The following PCDHGA1 variants were observed in gnomAD, a reference collection of about 807,000 sequenced individuals.
PCDHGA1 encodes protocadherin gamma subfamily A, 1.
Under a neutral mutation model 58.0 loss-of-function variants are expected in PCDHGA1, and 32 were observed. The observed-to-expected ratio is 0.55, with a 90% CI of 0.42 to 0.74. The LOEUF (loss-of-function observed/expected upper bound fraction) is 0.74, where lower values mean the gene tolerates loss of function less well. Among genes scored for constraint, PCDHGA1 ranks in the 30% least tolerant of loss-of-function variants. PCDHGA1 has a pLI of 0.00. For missense variants in PCDHGA1, 1,205 were observed against 1,182.3 expected (o/e 1.02, Z -0.28); for synonymous variants, 498 against 501.1 (o/e 0.99, Z 0.08).
rs761853399 is a variant in PCDHGA1, at chr5:141,389,296, A to G, written c.2421+56191A>G. On this transcript the variant is annotated intron_variant, in intron 1 of 3. Transcript: ENST00000517417. ...AACCCGCCTGGAGCCTCTATTTCAC[A>G]AGTCAGGGCTTCTGATCCGGACTTG... is the stretch of plus-strand genomic sequence containing the variant. The G allele has an allele frequency of 3.7e-6, 6 of 1,613,988 alleles. No individual in the cohort carries two copies. The South Asian group carries it at 6.6e-5, about 18-fold the overall frequency.
chr5:141,356,492 C>G, intron 1 of PCDHGA1: 4 of 1,613,984 alleles, frequency 2.5e-6, no homozygotes, highest in Non-Finnish European at 3.4e-6. Flanking sequence ...GGAACTCCTC[C>G]ACTGTCTACA....
rs532725430 is a variant in PCDHGA1, at chr5:141,429,107, G to A, written c.2422-65700G>A. On this transcript the variant is annotated intron_variant, in intron 1 of 3. Transcript: ENST00000517417. ...CTGACCTCGTGATCTGCCCGCCTCG[G>A]CCTCCCAAAGTGCTGGGATTATAGG... The A allele has an allele frequency of 3.8e-3, 579 of 152,026 alleles. 5 individuals are homozygous for A. Among genetic ancestry groups the A allele is most frequent in the Admixed American group, 0.011 (166 of 15,232 alleles). The allele number at this position is 152,026 out of a possible 1,614,324, so 9.4% of individuals were successfully genotyped here. A position where few individuals can be genotyped will look rare whatever the true frequency, so the allele number is the denominator to read the frequency against.
chr5:141,359,142 A>T (rs903512422), intron 1 of PCDHGA1, among the ~76,000 whole-genome samples: 1 of 152,224 alleles, frequency 6.6e-6, no homozygotes, highest in Non-Finnish European at 1.5e-5. Context: ...AGTAAGCTGG[A>T]ATATGATATG....
chr5:141,492,894 G>A (rs2099744893), intron 1 of PCDHGA1, among the ~76,000 whole-genome samples: 1 of 152,202 alleles, frequency 6.6e-6, no homozygotes, highest in Admixed American at 6.5e-5. Flanking sequence ...GGCTTTTGGC[G>A]CCGTCGTGAT....
At chr5:141,354,253 T>G (rs929427667) in intron 1 of PCDHGA1, among the ~76,000 whole-genome samples, 2 of 152,350 alleles carry the variant, frequency 1.3e-5, no homozygotes, top group East Asian at 1.9e-4. Context: ...ATTTACCCAT[T>G]GTTTTAGGCT....
chr5:141,498,971 G>GGGAA (rs201769957), intron 2 of PCDHGA1, among the ~76,000 whole-genome samples: 8,226 of 110,874 alleles, frequency 0.074, 335 homozygotes, highest in Middle Eastern at 0.11. Flanking sequence ...GAGGGAGGGA[G>GGGAA]GGAAGGAAGG....
chr5:141,355,133 ATCCTG>A, intron 1 of PCDHGA1: 1 of 1,521,784 alleles, frequency 6.6e-7, no homozygotes, highest in East Asian at 2.3e-5. Context: ...GACCCAGAAG[ATCCTG>A]GGGCTCCTCA....
rs139832920 is a variant in PCDHGA1, at chr5:141,432,866, G to T, written c.2422-61941G>T. On this transcript the variant is annotated intron_variant, in intron 1 of 3. Coordinates refer to ENST00000517417, the MANE Select transcript of PCDHGA1 (RefSeq NM_018912.3). This position sits in a 1 kb window ranked among gnomAD's most constrained non-coding sequence, Gnocchi z 6.0. ...GGTAGCGGTGGCCGCGGTCTCCTGC[G>T]TCTTCCTGGCCTTCGTCATCTTGCT... The T allele has an allele frequency of 1.9e-6, 3 of 1,614,034 alleles. No individual in the cohort carries two copies. The African/African-American group carries it at 4.0e-5, about 22-fold the overall frequency.
chr5:141,431,833 AAACTCT>A lies in PCDHGA1; in HGVS notation c.2422-62973_2422-62968del. The A allele has an allele frequency of 1.2e-6, 2 of 1,614,278 alleles. No homozygotes were observed. Among genetic ancestry groups the A allele is most frequent in the Non-Finnish European group, 1.7e-6 (2 of 1,180,044 alleles). ...CCTCTCTCGCCAGCTCGGTTCCCGA[AAACTCT>A]CCCAGAGGGACATTAATTGCCCTTT... is the stretch of plus-strand genomic sequence containing the variant. On this transcript the variant is annotated intron_variant, in intron 1 of 3. Transcript: ENST00000517417. This position sits in a 1 kb window ranked among gnomAD's most constrained non-coding sequence, Gnocchi z 4.8.
At chr5:141,393,246 A>G (rs1434145740) in intron 1 of PCDHGA1, 2 of 1,613,694 alleles carry the variant, frequency 1.2e-6, no homozygotes, top group Non-Finnish European at 1.7e-6. Flanking sequence ...AATTAACGAA[A>G]TCGCGGTTCC....
At chr5:141,419,863 G>C in intron 1 of PCDHGA1, 1 of 1,614,108 alleles carries the variant, frequency 6.2e-7, no homozygotes, top group Non-Finnish European at 8.5e-7. Flanking sequence ...CAGATAGCTT[G>C]CAAGAGGTAC....
intron 1 of PCDHGA1, among the ~76,000 whole-genome samples, chr5:141,456,887 C>T (rs112521083): frequency 0.042 from 6,384 of 152,090 alleles, 167 homozygotes; most frequent in Middle Eastern, 0.088. Flanking sequence ...CGCTTGAACC[C>T]GGGAGGCAGA....
chr5:141,340,333 C>G (rs536416532), intron 1 of PCDHGA1: 9 of 1,614,090 alleles, frequency 5.6e-6, no homozygotes, highest in Non-Finnish European at 7.6e-6. Context: ...CCTTCTCCCG[C>G]ACATCCTACT....
chr5:141,396,570 C>T (rs996384369), intron 1 of PCDHGA1: 5 of 150,662 alleles, frequency 3.3e-5, no homozygotes, highest in African/African-American at 1.2e-4. Flanking sequence ...CAGTGAGCCT[C>T]GATCCTGTCA....
chr5:141,486,816 C>G lies in PCDHGA1; in HGVS notation c.2422-7991C>G. The G allele has an allele frequency of 6.2e-7, 1 of 1,614,252 alleles. No individual in the cohort carries two copies. Among genetic ancestry groups the G allele is most frequent in the East Asian group, 2.2e-5 (1 of 44,884 alleles). ...CGGGGCAACCCACCCCTTAGCAGCACTGTAACAGTTCGTCTATTTGTGCTG... is the reference window on the plus strand; with the variant it reads ...CGGGGCAACCCACCCCTTAGCAGCAGTGTAACAGTTCGTCTATTTGTGCTG... On this transcript the variant is annotated intron_variant, in intron 1 of 3. Coordinates refer to ENST00000517417, the MANE Select transcript of PCDHGA1 (RefSeq NM_018912.3). The surrounding 1 kb of genome is among the most constrained non-coding windows in gnomAD (Gnocchi z 5.0).
chr5:141,394,397 G>A, intron 1 of PCDHGA1: 1 of 1,614,212 alleles, frequency 6.2e-7, no homozygotes, highest in Non-Finnish European at 8.5e-7. Flanking sequence ...TCCGAGACCT[G>A]CAGCTACTGG....
intron 1 of PCDHGA1, chr5:141,344,385 G>C (rs1299543517): frequency 6.2e-7 from 1 of 1,612,550 alleles, no homozygotes; most frequent in Admixed American, 1.7e-5. Context: ...GAAAATTTTT[G>C]AAGTAGAAAT....
chr5:141,418,985 T>C, intron 1 of PCDHGA1: 1 of 1,613,882 alleles, frequency 6.2e-7, no homozygotes, highest in Non-Finnish European at 8.5e-7. Context: ...GGACCAAGAC[T>C]CAGGGGAAAA....
Position 141,345,352 on chromosome 5 carries a change from T to C in PCDHGA1, c.2421+12247T>C. 2.5e-6 allele frequency: 4 copies of C among 1,613,994 alleles called. No homozygotes were observed. In the South Asian group the frequency reaches 4.4e-5, roughly 18 times the overall value. On this transcript the variant is annotated intron_variant, in intron 1 of 3. Transcript: ENST00000517417. ...CTGTCCACAGAAACTCACATCACCC[T>C]GCATGTGATTGACATCAATGACAAC...
Sources: gnomAD v4.1 joint callset for allele counts (sites outside exome capture counted in the v4.1 genomes callset) on GRCh38, gnomAD v4.1.1 for gene constraint, Gnocchi (gnomAD v3.1) non-coding constraint, MANE v1.5 for transcripts, NCBI Gene and HGNC (gene_info 2026-07-23, HGNC 2026-07-21) for gene names.